The following PHACTR2 variants were observed in gnomAD, a reference collection of about 807,000 sequenced individuals.
PHACTR2 encodes the protein chromosome 6 open reading frame 56.
Under a neutral mutation model 76.0 loss-of-function variants are expected in PHACTR2, and 30 were observed. The observed-to-expected ratio is 0.39, with a 90% CI of 0.30 to 0.54. The LOEUF (loss-of-function observed/expected upper bound fraction) is 0.54. Among genes scored for constraint, PHACTR2 ranks in the 20% least tolerant of loss-of-function variants. The pLI, the probability that PHACTR2 is intolerant of heterozygous loss-of-function variation, is 0.61. For synonymous variants in PHACTR2, 292 were observed against 292.5 expected, an observed-to-expected ratio of 1.00 and a Z score of 0.02; for missense variants, 696 against 781.1, an observed-to-expected ratio of 0.89 and a Z score of 1.30.
rs1489434774 is a variant in PHACTR2, at chr6:143,678,044, C to G, written c.-120C>G. ...GCGCGGGGTAGAAGGTGAGGGGACC[C>G]GGCGGGCCGCTCGGCACAGGCCGGG... On this transcript the variant is annotated 5_prime_UTR_variant, in exon 1 of 13. Coordinates refer to ENST00000440869, the MANE Select transcript of PHACTR2 (RefSeq NM_001100164.2). The surrounding 1 kb of genome is among the most constrained non-coding windows in gnomAD (Gnocchi z 6.2). The G allele has an allele frequency of 3.3e-6, 5 of 1,521,964 alleles. No individual in the cohort carries two copies. The highest frequency in any genetic ancestry group is 4.4e-6 in the Non-Finnish European group (5 of 1,131,844). 94.3% of individuals were successfully genotyped at this position (1,521,964 alleles called of 1,614,324 possible).
rs1184238728 is a variant in PHACTR2, at chr6:143,571,471, C to T, written c.217+34264C>T. On this transcript the variant is annotated intron_variant, in intron 1 of 11. Transcript: ENST00000367584. The surrounding 1 kb of genome is among the most constrained non-coding windows in gnomAD (Gnocchi z 4.6). The stretch of plus-strand genomic sequence containing the variant: ...ACCCAGGCTGGTGCAGTGGTGCAAT[C>T]ATAGCTCACTGTGGCCTCAAAGTCT... 6.6e-6 allele frequency among the ~76,000 whole-genome samples: 1 copy of T among 152,222 alleles called. No homozygotes were observed.
chr6:143,562,119 G>A lies in PHACTR2; in HGVS notation c.217+24912G>A, dbSNP rs1389358008. 1 of 152,204 alleles carries A rather than the reference G, an allele frequency of 6.6e-6. No individual in the cohort carries two copies. The highest frequency in any genetic ancestry group is 1.5e-5 in the Non-Finnish European group (1 of 68,080). 9.4% of individuals were successfully genotyped at this position (152,204 alleles called of 1,614,324 possible). A position where few individuals can be genotyped will look rare whatever the true frequency, so the allele number is the denominator to read the frequency against. On this transcript the variant is annotated intron_variant, in intron 1 of 11. Transcript: ENST00000367584. This position sits in a 1 kb window ranked among gnomAD's most constrained non-coding sequence, Gnocchi z 5.1. ...CAGAGTTCCTTGTTCTTCCCTTTGT[G>A]ACCTCGTAGCCTTGTCACAGTGCTC...
At chr6:143,773,903 CAA>C (rs575764905) in intron 7 of PHACTR2, among the ~76,000 whole-genome samples, 154 bp from the exon 8 acceptor site, 115 of 152,266 alleles carry the variant, frequency 7.6e-4, no homozygotes, top group Non-Finnish European at 1.3e-3. Flanking sequence ...GCATCCAACT[CAA>C]AGTCTTTTTT....
At position 143,550,832 on chromosome 6, in the gene PHACTR2, G is replaced by A. The variant is rs920168934; in HGVS notation, c.217+13625G>A. Among the ~76,000 whole-genome samples the A allele has an allele frequency of 1.3e-4, 20 of 152,014 alleles. No homozygotes were observed. Among genetic ancestry groups the A allele is most frequent in the African/African-American group, 4.6e-4 (19 of 41,502 alleles). On this transcript the variant is annotated intron_variant, in intron 1 of 11. Transcript: ENST00000367584. The surrounding 1 kb of genome is among the most constrained non-coding windows in gnomAD (Gnocchi z 4.8). ...GGAGGGCAGATCATTTGAGCCCAGG[G>A]GTTCGAGATCAGCCTGGGCAACATG...
At chr6:143,579,096 G>A (rs550703773) in intron 1 of PHACTR2, among the ~76,000 whole-genome samples, 2 of 152,120 alleles carry the variant, frequency 1.3e-5, no homozygotes, top group South Asian at 4.1e-4. Context: ...TAGAGATAGG[G>A]TTTTGCCATG....
rs140623792 is a variant in PHACTR2, at chr6:143,650,314, A to G, written c.13+41992A>G. 2.6e-3 allele frequency among the ~76,000 whole-genome samples: 398 copies of G among 152,290 alleles called. 4 individuals are homozygous for G. Among genetic ancestry groups the G allele is most frequent in the African/African-American group, 9.0e-3 (375 of 41,556 alleles). On this transcript the variant is annotated intron_variant, in intron 1 of 11. Transcript: ENST00000305766. ...TATTTCCATTAAACTGCCATCGACAATCTTCACAGAATTAGAAAAATCTAT... is the reference window on the plus strand; with the variant it reads ...TATTTCCATTAAACTGCCATCGACAGTCTTCACAGAATTAGAAAAATCTAT...
At chr6:143,729,088 T>G (rs754154521) in intron 2 of PHACTR2, among the ~76,000 whole-genome samples, 1 of 152,200 alleles carries the variant, frequency 6.6e-6, no homozygotes, top group Non-Finnish European at 1.5e-5. Context: ...TTGCAAAATA[T>G]TCATCCAACA....
At position 143,684,816 on chromosome 6, in the gene PHACTR2, A is replaced by G. The variant is rs1336632733; in HGVS notation, c.46+6607A>G. Among the ~76,000 whole-genome samples, 6 of 152,190 alleles carry G rather than the reference A, an allele frequency of 3.9e-5. No homozygotes were observed. Among genetic ancestry groups the G allele is most frequent in the Non-Finnish European group, 7.4e-5 (5 of 68,026 alleles). The stretch of plus-strand genomic sequence containing the variant: ...ACCTATGTGTCCTTCTGCAGTCAAC[A>G]CTCTACACAACTGTACATGACCACA... On this transcript the variant is annotated intron_variant, in intron 1 of 12. Coordinates refer to ENST00000440869, the MANE Select transcript of PHACTR2 (RefSeq NM_001100164.2). This position sits in a 1 kb window ranked among gnomAD's most constrained non-coding sequence, Gnocchi z 4.3.
At position 143,583,952 on chromosome 6, in the gene PHACTR2, T is replaced by G. The variant is rs1775599289; in HGVS notation, c.217+46745T>G. ...TTCTTCCTAGCACTGTGTCTAGCACTCAGGATATTCATAATAAAAGTTTGA... is the reference window on the plus strand; with the variant it reads ...TTCTTCCTAGCACTGTGTCTAGCACGCAGGATATTCATAATAAAAGTTTGA... On this transcript the variant is annotated intron_variant, in intron 1 of 11. Coordinates refer to the PHACTR2 transcript ENST00000367584. This position sits in a 1 kb window ranked among gnomAD's most constrained non-coding sequence, Gnocchi z 4.0. Among the ~76,000 whole-genome samples, 1 of 152,220 alleles carries G rather than the reference T, an allele frequency of 6.6e-6. No homozygotes were observed. The highest frequency in any genetic ancestry group is 1.5e-5 in the Non-Finnish European group (1 of 68,032).
chr6:143,701,054 C>G (rs1221073567), intron 1 of PHACTR2, among the ~76,000 whole-genome samples: 1 of 152,210 alleles, frequency 6.6e-6, no homozygotes. Flanking sequence ...CCTTTGCCTA[C>G]TCAATCAGAA....
rs1022588751 is a variant in PHACTR2 at position 143,729,958 on chromosome 6, G to T, written c.214+17775G>T. Among the ~76,000 whole-genome samples, 19 of 141,538 alleles carry T rather than the reference G, an allele frequency of 1.3e-4. No individual in the cohort carries two copies. The East Asian group carries it at 3.1e-3, about 23-fold the overall frequency. 92.9% of individuals were successfully genotyped at this position (141,538 alleles called of 152,430 possible). ...AAACGACTATTACCTTTGCACCTTT[G>T]TTCAAAAATTGATTGGCAACATATA... On this transcript the variant is annotated intron_variant, in intron 2 of 12. Coordinates refer to ENST00000440869, the MANE Select transcript of PHACTR2 (RefSeq NM_001100164.2).
chr6:143,729,119 G>A (rs541461198), intron 2 of PHACTR2, among the ~76,000 whole-genome samples: 13 of 152,156 alleles, frequency 8.5e-5, no homozygotes, highest in African/African-American at 1.9e-4. Flanking sequence ...TTTCATGTAC[G>A]CATCTGCCAT....
rs1288620929 is a variant in PHACTR2, at chr6:143,698,995, C to T, written c.47-13021C>T. Among the ~76,000 whole-genome samples the T allele has an allele frequency of 2.0e-5, 3 of 152,148 alleles. No homozygotes were observed. Among genetic ancestry groups the T allele is most frequent in the East Asian group, 1.9e-4 (1 of 5,188 alleles). ...CCTTTACCTCTCCTATCACAGGGGG[C>T]GCTGACATTGCATCAACTCCCCAGT... On this transcript the variant is annotated intron_variant, in intron 1 of 12. Coordinates refer to ENST00000440869, the MANE Select transcript of PHACTR2 (RefSeq NM_001100164.2). The surrounding 1 kb of genome is among the most constrained non-coding windows in gnomAD (Gnocchi z 4.3).
intron 2 of PHACTR2, among the ~76,000 whole-genome samples, chr6:143,717,326 G>A (rs543675406): frequency 6.6e-6 from 1 of 152,206 alleles, no homozygotes; most frequent in Non-Finnish European, 1.5e-5. Flanking sequence ...ATCCTCCTTT[G>A]CCTGTACTCC....
chr6:143,572,679 A>G (rs1186562788), intron 1 of PHACTR2, among the ~76,000 whole-genome samples: 1 of 152,116 alleles, frequency 6.6e-6, no homozygotes, highest in Non-Finnish European at 1.5e-5. Flanking sequence ...CAGCCTCCTA[A>G]GTAGCTGGGA....
At chr6:143,781,291 C>T (rs1775427279) in intron 9 of PHACTR2, among the ~76,000 whole-genome samples, 1 of 152,194 alleles carries the variant, frequency 6.6e-6, no homozygotes, top group Non-Finnish European at 1.5e-5. Context: ...TCTTTTTAGA[C>T]ATCACTGTTA....
intron 1 of PHACTR2, among the ~76,000 whole-genome samples, chr6:143,649,184 T>C (rs538637121): frequency 1.3e-5 from 2 of 152,306 alleles, no homozygotes; most frequent in African/African-American, 4.8e-5. Context: ...CATTTTTGTG[T>C]GTGTCTGTTT....
intron 2 of PHACTR2, among the ~76,000 whole-genome samples, chr6:143,720,390 A>C (rs117022575): frequency 6.6e-6 from 1 of 152,292 alleles, no homozygotes; most frequent in Non-Finnish European, 1.5e-5. Flanking sequence ...GGGAGGTTAC[A>C]GTTTCAAATC....
At position 143,755,499 on chromosome 6, in the gene PHACTR2, A is replaced by T; in HGVS notation, c.454+1587A>T. ...AAAAGTTCCTGACAGTTTTATATGA[A>T]TTAACCAACAGACCTTGATGTTCTT... On this transcript the variant is annotated intron_variant, in intron 4 of 12. Coordinates refer to ENST00000440869, the MANE Select transcript of PHACTR2 (RefSeq NM_001100164.2). The surrounding 1 kb of genome is among the most constrained non-coding windows in gnomAD (Gnocchi z 5.2). The T allele has an allele frequency of 2.6e-6, 1 of 378,982 alleles. No individual in the cohort carries two copies. The highest frequency in any genetic ancestry group is 2.0e-5 in the South Asian group (1 of 50,800). 23.5% of individuals were successfully genotyped at this position (378,982 alleles called of 1,614,324 possible).
Sources: allele counts gnomAD v4.1 joint callset (sites outside exome capture counted in the v4.1 genomes callset), GRCh38; gene constraint gnomAD v4.1.1; non-coding constraint Gnocchi (gnomAD v3.1); transcripts MANE v1.5; gene names NCBI Gene and HGNC (gene_info 2026-07-23, HGNC 2026-07-21).